MDGA2: variants seen among roughly 807,000 people sequenced by gnomAD.
MDGA2 encodes the protein MAM domain containing glycosylphosphatidylinositol anchor 2.
In MDGA2, 40 loss-of-function variants were observed where a neutral mutation model predicts 117.8. The ratio of observed to expected loss-of-function variants is 0.34; its 90% confidence interval spans 0.26 to 0.44. The LOEUF is 0.44. Among genes scored for constraint, MDGA2 ranks in the 20% least tolerant of loss-of-function variants. The pLI, the probability that MDGA2 is intolerant of heterozygous loss-of-function variation, is 1.00. For synonymous variants in MDGA2, 452 were observed against 439.0 expected (o/e 1.03, Z -0.37); for missense variants, 1,123 against 1,250.6 (o/e 0.90, Z 1.54).
chr14:47,517,089 G>C (rs1006878691), intron 1 of MDGA2, among the ~76,000 whole-genome samples: 6 of 152,130 alleles, frequency 3.9e-5, no homozygotes, highest in Admixed American at 3.9e-4. Flanking sequence ...GTCAATAAAT[G>C]TTTTCACATA....
At chr14:47,538,697 T>A (rs143899014) in intron 1 of MDGA2, among the ~76,000 whole-genome samples, 171 of 152,338 alleles carry the variant, frequency 1.1e-3, no homozygotes, top group African/African-American at 3.8e-3. Flanking sequence ...TATATGTTTC[T>A]TTCTTTTTCT....
chr14:47,075,290 CAG>C (rs1890449925), intron 6 of MDGA2, among the ~76,000 whole-genome samples: 1 of 152,206 alleles, frequency 6.6e-6, no homozygotes, highest in Non-Finnish European at 1.5e-5. Context: ...TTCCTGAAAA[CAG>C]AGGTACTTCA....
At chr14:47,505,342 G>A (rs759756659) in intron 1 of MDGA2, among the ~76,000 whole-genome samples, 35 of 152,130 alleles carry the variant, frequency 2.3e-4, no homozygotes, top group Non-Finnish European at 3.7e-4. Context: ...AGAATAGCTA[G>A]AAAAGGGGCT....
chr14:47,092,217 G>A (rs2138953572), intron 6 of MDGA2, among the ~76,000 whole-genome samples: 1 of 152,230 alleles, frequency 6.6e-6, no homozygotes, highest in African/African-American at 2.4e-5. Flanking sequence ...AGTATATTTT[G>A]AAGATAGAAC....
intron 2 of MDGA2, among the ~76,000 whole-genome samples, chr14:47,256,649 T>C (rs1477499617): frequency 6.6e-6 from 1 of 152,234 alleles, no homozygotes; most frequent in African/African-American, 2.4e-5. Flanking sequence ...TGATTTTACA[T>C]AGTTGTGACT....
At chr14:47,489,757 A>G (rs989646254) in intron 1 of MDGA2, among the ~76,000 whole-genome samples, 1 of 152,198 alleles carries the variant, frequency 6.6e-6, no homozygotes, top group Non-Finnish European at 1.5e-5. Context: ...CAAGTACTCA[A>G]TGAAAGAGCT....
chr14:47,627,230 T>C (rs1220767646), intron 1 of MDGA2, among the ~76,000 whole-genome samples: 2 of 150,302 alleles, frequency 1.3e-5, no homozygotes, highest in Admixed American at 6.6e-5. Flanking sequence ...ATGCACCAAT[T>C]GGCACTCTGT....
At chr14:47,415,785 G>T (rs1219002399) in intron 1 of MDGA2, among the ~76,000 whole-genome samples, 2 of 152,032 alleles carry the variant, frequency 1.3e-5, no homozygotes, top group South Asian at 2.1e-4. Context: ...TCTAGTGAGG[G>T]CCTCCTCCAG....
chr14:47,287,168 C>A (rs192976068), intron 2 of MDGA2, among the ~76,000 whole-genome samples: 1 of 152,048 alleles, frequency 6.6e-6, no homozygotes, highest in East Asian at 1.9e-4. Flanking sequence ...CTGTTTGACT[C>A]CAAAGCCTAT....
chr14:47,327,434 T>C (rs769296611), intron 1 of MDGA2, among the ~76,000 whole-genome samples: 1 of 152,158 alleles, frequency 6.6e-6, no homozygotes, highest in Non-Finnish European at 1.5e-5. Flanking sequence ...AACAAGGATA[T>C]CATCTGATTC....
At chr14:47,301,648 T>G (rs1889289832) in intron 1 of MDGA2, 98 bp from the exon 2 acceptor site, 2 of 1,265,134 alleles carry the variant, frequency 1.6e-6, no homozygotes, top group African/African-American at 1.5e-5. Context: ...CTTATTAGAC[T>G]TCACCATAGT....
At chr14:46,988,081 T>C (rs1222405907) in intron 8 of MDGA2, among the ~76,000 whole-genome samples, 1 of 151,420 alleles carries the variant, frequency 6.6e-6, no homozygotes, top group Non-Finnish European at 1.5e-5. Context: ...TAGTAAAGAG[T>C]GGAGAACATG....
Position 47,408,079 on chromosome 14 carries a change from T to C in MDGA2, c.281-106529A>G, listed in dbSNP as rs1298976343. 3.3e-4 allele frequency among the ~76,000 whole-genome samples: 43 copies of C among 129,058 alleles called. 2 individuals are homozygous for C. Among genetic ancestry groups the C allele is most frequent in the Admixed American group, 3.2e-3 (43 of 13,460 alleles). 84.7% of individuals were successfully genotyped at this position (129,058 alleles called of 152,430 possible). ...TTCTTTTTTTTTTTTTTTTTTTTGGTGGCATCTTGCTCTGTTGCCAGGCTG... is the reference window on the plus strand; with the variant it reads ...TTCTTTTTTTTTTTTTTTTTTTTGGCGGCATCTTGCTCTGTTGCCAGGCTG... On this transcript the variant is annotated intron_variant, in intron 1 of 16. Coordinates refer to ENST00000399232, the MANE Select transcript of MDGA2 (RefSeq NM_001113498.3).
chr14:46,894,479 C>T (rs191943807), intron 10 of MDGA2, among the ~76,000 whole-genome samples: 1 of 152,064 alleles, frequency 6.6e-6, no homozygotes, highest in Non-Finnish European at 1.5e-5. Context: ...CAAGGGGCAA[C>T]AGAGGAAGAT....
chr14:47,006,728 T>A (rs1594519800), intron 8 of MDGA2, among the ~76,000 whole-genome samples: 1 of 151,676 alleles, frequency 6.6e-6, no homozygotes, highest in East Asian at 1.9e-4. Flanking sequence ...TTTTCTATTA[T>A]TTTTTAAGCT....
At chr14:47,200,537 T>A (rs1885460971) in intron 3 of MDGA2, 1 of 525,672 alleles carries the variant, frequency 1.9e-6, no homozygotes, top group African/African-American at 2.1e-5. Flanking sequence ...TTCTTTTCTT[T>A]TTTTTTTTTT....
At chr14:47,355,491 T>C (rs1167844508) in intron 1 of MDGA2, among the ~76,000 whole-genome samples, 2 of 152,008 alleles carry the variant, frequency 1.3e-5, no homozygotes, top group African/African-American at 2.4e-5. Context: ...ATAAGAGAAA[T>C]GGGATGTGAT....
At chr14:47,206,923 CA>C (rs1885705736) in intron 3 of MDGA2, among the ~76,000 whole-genome samples, 1 of 151,908 alleles carries the variant, frequency 6.6e-6, no homozygotes, top group African/African-American at 2.4e-5. Context: ...AGATGACTGA[CA>C]GACCATTTCT....
rs67255552 is a variant in MDGA2, at chr14:47,370,468, G to GTTTTTTTTTTTTTTTTTTTT, written c.281-68938_281-68919dup. 4.4e-4 allele frequency among the ~76,000 whole-genome samples: 9 copies of GTTTTTTTTTTTTTTTTTTTT among 20,684 alleles called. 4 individuals are homozygous for GTTTTTTTTTTTTTTTTTTTT. The highest frequency in any genetic ancestry group is 4.3e-3 in the South Asian group (2 of 470). 13.6% of individuals were successfully genotyped at this position (20,684 alleles called of 152,430 possible). A position where few individuals can be genotyped will look rare whatever the true frequency, so the allele number is the denominator to read the frequency against. Reference sequence around the variant, plus strand: ...TTACTATTTTCTAGGTCTACTTACTGTTTTTTTTTTTTTTTTTTTTTTTTT... The same window carrying GTTTTTTTTTTTTTTTTTTTT: ...TTACTATTTTCTAGGTCTACTTACTGTTTTTTTTTTTTTTTTTTTTTTTTTTTTTTTTTTTTTTTTTTTTT... On this transcript the variant is annotated intron_variant, in intron 1 of 16. Transcript: ENST00000399232.
Sources: gnomAD v4.1 joint callset for allele counts (sites outside exome capture counted in the v4.1 genomes callset) on GRCh38, gnomAD v4.1.1 for gene constraint, MANE v1.5 for transcripts, NCBI Gene and HGNC (gene_info 2026-07-23, HGNC 2026-07-21) for gene names.